MRAP2: variants seen among roughly 807,000 people sequenced by gnomAD.
MRAP2 encodes melanocortin 2 receptor accessory protein 2, also known as melanocortin-2 receptor accessory protein 2.
In MRAP2, 20 loss-of-function variants were observed where a neutral mutation model predicts 17.4. The observed-to-expected ratio is 1.15, with a 90% CI of 0.81 to 1.67. The LOEUF (loss-of-function observed/expected upper bound fraction) is 1.67, where lower values mean the gene tolerates loss of function less well. MRAP2 is among the 40% of genes most tolerant of loss of function. MRAP2 has a pLI of 0.00. For missense variants in MRAP2, 238 were observed against 240.0 expected (o/e 0.99, Z 0.05); for synonymous variants, 96 against 88.4 (o/e 1.09, Z -0.48).
At chr6:84,143,351 T>C in the MRAP2 span, among the ~76,000 whole-genome samples, 3 of 152,016 alleles carry the variant, frequency 2.0e-5, no homozygotes, top group Non-Finnish European at 4.4e-5. Flanking sequence ...CATGGCTGCT[T>C]TGTAGTTTTC....
At chr6:84,062,843 A>C (rs1172458276) in intron 2 of MRAP2, 50 bp from the exon 3 acceptor site, 1 of 1,611,488 alleles carries the variant, frequency 6.2e-7, no homozygotes, top group Admixed American at 1.7e-5. Context: ...TTGAATGTTC[A>C]AGTTTTAAAC....
At chr6:84,134,992 TATGC>T in the MRAP2 span, among the ~76,000 whole-genome samples, 1 of 151,976 alleles carries the variant, frequency 6.6e-6, no homozygotes, top group South Asian at 2.1e-4. Context: ...TTGAAAATCA[TATGC>T]ATGCATACAT....
Position 84,062,912 on chromosome 6 carries a change from T to A in MRAP2, c.147T>A (p.Phe49Leu). The change falls in exon 3 of 4, where the codon TTT becomes TTA. Residue 49 changes from phenylalanine to leucine, a missense_variant. Coordinates refer to ENST00000257776, the MANE Select transcript of MRAP2 (RefSeq NM_138409.4). ...KAHKYSIVIG[F>L]WVGLAVFVIF... ...TTTCAGATTCCATTGTGATTGGATT[T>A]TGGGTTGGTCTTGCAGTCTTCGTGA... 6.2e-7 allele frequency: 1 copy of A among 1,614,214 alleles called. No homozygotes were observed. Among genetic ancestry groups the A allele is most frequent in the Middle Eastern group, 1.6e-4 (1 of 6,062 alleles).
At chr6:84,108,377 G>A in the MRAP2 span, among the ~76,000 whole-genome samples, 2 of 151,768 alleles carry the variant, frequency 1.3e-5, no homozygotes, top group African/African-American at 4.8e-5. Context: ...CATTCTAACT[G>A]GTGTGAGATG....
the MRAP2 span, among the ~76,000 whole-genome samples, chr6:84,098,673 G>A: frequency 6.6e-6 from 1 of 152,086 alleles, no homozygotes; most frequent in African/African-American, 2.4e-5. Context: ...ATATGCATGT[G>A]TAGTAGTATG....
At chr6:84,115,021 G>C in the MRAP2 span, among the ~76,000 whole-genome samples, 1 of 152,184 alleles carries the variant, frequency 6.6e-6, no homozygotes, top group African/African-American at 2.4e-5. Flanking sequence ...ACCCCTGCTG[G>C]GAGGTGTCTC....
At chr6:84,109,760 C>A in the MRAP2 span, among the ~76,000 whole-genome samples, 6 of 151,070 alleles carry the variant, frequency 4.0e-5, no homozygotes, top group Non-Finnish European at 7.4e-5. Context: ...TAGCCCCCCA[C>A]CCCCCGACAG....
the MRAP2 span, among the ~76,000 whole-genome samples, chr6:84,140,381 T>C: frequency 1.3e-5 from 2 of 152,118 alleles, no homozygotes; most frequent in African/African-American, 4.8e-5. Flanking sequence ...TTCACACAAC[T>C]CTTCTGTCTG....
downstream of MRAP2, among the ~76,000 whole-genome samples, chr6:84,095,139 A>G (rs1339397883): frequency 1.3e-5 from 2 of 152,126 alleles, no homozygotes; most frequent in African/African-American, 4.8e-5. Context: ...GTGGGTTGGC[A>G]TCATGGCTGA....
intron 3 of MRAP2, among the ~76,000 whole-genome samples, chr6:84,087,640 G>T (rs947951744): frequency 2.8e-4 from 43 of 152,266 alleles, no homozygotes; most frequent in African/African-American, 9.4e-4. Context: ...ATGTAAATTT[G>T]CACTAAAGCA....
chr6:84,074,166 G>A (rs926142372), intron 3 of MRAP2, among the ~76,000 whole-genome samples: 3 of 152,008 alleles, frequency 2.0e-5, no homozygotes, highest in Admixed American at 1.3e-4. Flanking sequence ...CAGACCCTAA[G>A]CGTTATATCT....
At chr6:84,119,035 T>C in the MRAP2 span, among the ~76,000 whole-genome samples, 9 of 152,348 alleles carry the variant, frequency 5.9e-5, no homozygotes, top group East Asian at 1.7e-3. Context: ...CTGGTCTCAC[T>C]GGTCAATGTG....
the MRAP2 span, among the ~76,000 whole-genome samples, chr6:84,136,555 A>G: frequency 6.6e-6 from 1 of 152,332 alleles, no homozygotes; most frequent in African/African-American, 2.4e-5. Context: ...AAGCAAAGGC[A>G]GTTAGTGGGA....
chr6:84,094,690 A>G (rs2099502355), downstream of MRAP2, among the ~76,000 whole-genome samples: 1 of 151,956 alleles, frequency 6.6e-6, no homozygotes, highest in Admixed American at 6.6e-5. Context: ...TAGATAGTTC[A>G]TAAGATAATT....
the MRAP2 span, among the ~76,000 whole-genome samples, chr6:84,099,052 CT>C: frequency 4.0e-5 from 6 of 149,440 alleles, no homozygotes; most frequent in African/African-American, 1.5e-4. Flanking sequence ...TAATCCTATG[CT>C]TTTTTTTTCT....
At chr6:84,144,285 T>C in the MRAP2 span, among the ~76,000 whole-genome samples, 3 of 152,036 alleles carry the variant, frequency 2.0e-5, no homozygotes, top group East Asian at 1.9e-4. Flanking sequence ...TTTGTATGGA[T>C]ACGTTATTAA....
At position 84,075,953 on chromosome 6, in the gene MRAP2, A is replaced by C. The variant is rs140138743; in HGVS notation, c.227+12961A>C. Among the ~76,000 whole-genome samples the C allele has an allele frequency of 4.5e-3, 693 of 152,358 alleles. 9 individuals carry two copies. The highest frequency in any genetic ancestry group is 0.016 in the African/African-American group (660 of 41,586). ...GAACTAGATGGCAAAATGCAGATGT[A>C]GTGAGTGATTCCTGAGGAAGCCCTG... On this transcript the variant is annotated intron_variant, in intron 3 of 3. Coordinates refer to ENST00000257776, the MANE Select transcript of MRAP2 (RefSeq NM_138409.4).
the MRAP2 span, among the ~76,000 whole-genome samples, chr6:84,137,097 C>T: frequency 6.6e-6 from 1 of 152,206 alleles, no homozygotes; most frequent in Non-Finnish European, 1.5e-5. Context: ...GAATAAGAGT[C>T]ATACCTGGCA....
At chr6:84,097,074 G>A in the MRAP2 span, among the ~76,000 whole-genome samples, 7 of 152,196 alleles carry the variant, frequency 4.6e-5, no homozygotes, top group Non-Finnish European at 7.3e-5. Flanking sequence ...TTACTTCTCT[G>A]TTCAAAATCC....
Sources: allele counts gnomAD v4.1 joint callset (sites outside exome capture counted in the v4.1 genomes callset), GRCh38; gene constraint gnomAD v4.1.1; transcripts MANE v1.5; gene names NCBI Gene and HGNC (gene_info 2026-07-23, HGNC 2026-07-21).